Variants in MINDY2 observed in about 807,000 individuals in gnomAD.
MINDY2 encodes MINDY lysine 48 deubiquitinase 2.
Under a neutral mutation model 68.2 loss-of-function variants are expected in MINDY2, and 52 were observed. That is an observed-to-expected ratio of 0.76 (90% CI 0.61 to 0.96). The LOEUF is 0.96. Ranked by LOEUF, MINDY2 falls within the 40% of genes least tolerant of loss-of-function variation. The pLI is 0.00. For missense variants in MINDY2, 881 were observed against 773.4 expected, an observed-to-expected ratio of 1.14 and a Z score of -1.65; for synonymous variants, 372 against 303.0, an observed-to-expected ratio of 1.23 and a Z score of -2.36.
Position 58,851,782 on chromosome 15 carries a change from G to T in MINDY2, c.1554G>T (p.Met518Ile). Reference sequence around the variant, plus strand: ...ATTTAATTTATTAGGATTATCTTATGGCATTATCTCTACAACAAGAACAGC... The same window carrying T: ...ATTTAATTTATTAGGATTATCTTATTGCATTATCTCTACAACAAGAACAGC... ...QQDQIDQDYL[M>I]ALSLQQEQQS... is the part of the protein sequence containing the mutation. Residue 518 changes from methionine (M) to isoleucine (I), a missense_variant, in exon 8 of 9, where the codon ATG becomes ATT. Physicochemically the swap from Met to Ile is conservative, Grantham distance 10. Transcript: ENST00000559228. 6.3e-7 allele frequency: 1 copy of T among 1,580,830 alleles called. No homozygotes were observed. The highest frequency in any genetic ancestry group is 1.2e-5 in the South Asian group (1 of 85,318).
At position 58,771,699 on chromosome 15, in the gene MINDY2, C is replaced by CT; in HGVS notation, c.305dup (p.Arg103GlufsTer20). 6.2e-7 allele frequency: 1 copy of CT among 1,612,458 alleles called. No individual in the cohort carries two copies. The highest frequency in any genetic ancestry group is 1.1e-5 in the South Asian group (1 of 91,068). ...GAGTCCTGCTGCCGCCGAGGCGCCT[C>CT]TGAGAGGGCAGTACAAGGTGACCGC... On this transcript the variant is annotated frameshift_variant, in exon 1 of 9. Transcript: ENST00000559228. LOFTEE classifies it high-confidence loss of function.
At chr15:58,841,356 A>G (rs1352514859) in intron 6 of MINDY2, among the ~76,000 whole-genome samples, 1 of 151,232 alleles carries the variant, frequency 6.6e-6, no homozygotes, top group Non-Finnish European at 1.5e-5. Context: ...TAATCCCAAC[A>G]CTTTGGAAGG....
intron 5 of MINDY2, among the ~76,000 whole-genome samples, chr15:58,824,616 C>A (rs777750453): frequency 7.9e-5 from 12 of 151,410 alleles, no homozygotes; most frequent in Non-Finnish European, 1.8e-4. Context: ...AATAAAAGAC[C>A]GTAATAGACA....
chr15:58,809,290 G>C (rs1322273138), intron 3 of MINDY2, among the ~76,000 whole-genome samples: 1 of 151,962 alleles, frequency 6.6e-6, no homozygotes, highest in Non-Finnish European at 1.5e-5. Context: ...TGATTTTGAT[G>C]ACTCTAAATA....
chr15:58,827,848 G>C (rs1345936592), intron 5 of MINDY2, among the ~76,000 whole-genome samples: 1 of 152,146 alleles, frequency 6.6e-6, no homozygotes, highest in Non-Finnish European at 1.5e-5. Flanking sequence ...GTTGGGTCTT[G>C]TGTTCTTTTG....
chr15:58,784,840 G>A (rs1172104370), intron 1 of MINDY2, among the ~76,000 whole-genome samples: 2 of 151,644 alleles, frequency 1.3e-5, no homozygotes, highest in East Asian at 3.9e-4. Flanking sequence ...TCCCTGTATT[G>A]CTTAGGCTGG....
intron 1 of MINDY2, among the ~76,000 whole-genome samples, chr15:58,772,747 C>A (rs1470574078): frequency 1.3e-5 from 2 of 152,152 alleles, no homozygotes; most frequent in African/African-American, 4.8e-5. Flanking sequence ...AGACAAATTC[C>A]ATTTAAGGAA....
At chr15:58,847,976 T>G (rs2032620585) in intron 7 of MINDY2, among the ~76,000 whole-genome samples, 1 of 152,126 alleles carries the variant, frequency 6.6e-6, no homozygotes. Flanking sequence ...AATGGGTGGA[T>G]ATTCTAAACC....
At chr15:58,804,570 G>A (rs1453164735) in intron 3 of MINDY2, among the ~76,000 whole-genome samples, 1 of 152,186 alleles carries the variant, frequency 6.6e-6, no homozygotes, top group Non-Finnish European at 1.5e-5. Context: ...CACTTTGGGA[G>A]GCCAAAGCAG....
intron 3 of MINDY2, among the ~76,000 whole-genome samples, chr15:58,805,400 A>G (rs1902948154): frequency 6.6e-6 from 1 of 152,196 alleles, no homozygotes; most frequent in Non-Finnish European, 1.5e-5. Flanking sequence ...CTTTACCAGA[A>G]GTTGTAATGT....
chr15:58,779,757 T>A (rs952231414), intron 1 of MINDY2, among the ~76,000 whole-genome samples: 8 of 152,178 alleles, frequency 5.3e-5, no homozygotes, highest in Non-Finnish European at 1.2e-4. Flanking sequence ...AACTCTGGAT[T>A]TGTAAGATAA....
In MINDY2 at chr15:58,824,570, A is replaced by G. The variant is rs374096042; in HGVS notation, c.1225+2751A>G. On this transcript the variant is annotated intron_variant, in intron 5 of 8. Coordinates refer to ENST00000559228, the MANE Select transcript of MINDY2 (RefSeq NM_001040450.3). ...CATTTGAAATAATTACTTAACTCCA[A>G]TGGTTACTTGTATAAGACACTAAGA... Among the ~76,000 whole-genome samples the G allele has an allele frequency of 9.8e-4, 149 of 152,250 alleles. 6 individuals are homozygous for G. The South Asian group carries it at 0.029, about 30-fold the overall frequency.
At chr15:58,815,891 G>A (rs1337661776) in intron 4 of MINDY2, among the ~76,000 whole-genome samples, 2 of 151,652 alleles carry the variant, frequency 1.3e-5, no homozygotes, top group Non-Finnish European at 2.9e-5. Flanking sequence ...TGTTGGTCAG[G>A]ATGGTCTCGA....
At chr15:58,810,447 C>A in intron 4 of MINDY2, 59 bp downstream of exon 4, 1 of 1,389,984 alleles carries the variant, frequency 7.2e-7, no homozygotes, top group Non-Finnish European at 9.6e-7. Context: ...ATTAATTTGG[C>A]AAATTAATCT....
intron 2 of MINDY2, among the ~76,000 whole-genome samples, chr15:58,791,034 G>A (rs943144112): frequency 6.6e-6 from 1 of 150,894 alleles, no homozygotes; most frequent in Non-Finnish European, 1.5e-5. Context: ...CAAAAAATTA[G>A]CTGGGAGTGG....
intron 3 of MINDY2, among the ~76,000 whole-genome samples, chr15:58,807,003 A>C (rs1039607626): frequency 5.3e-5 from 8 of 152,224 alleles, no homozygotes; most frequent in African/African-American, 1.9e-4. Flanking sequence ...ATTTCTGTTT[A>C]CAGTCTGTAC....
chr15:58,777,319 A>T (rs1324783654), intron 1 of MINDY2, among the ~76,000 whole-genome samples: 2 of 152,204 alleles, frequency 1.3e-5, no homozygotes, highest in Non-Finnish European at 2.9e-5. Context: ...ATCTGAAATT[A>T]TTAGAAAATC....
chr15:58,851,790 C>G lies in MINDY2; in HGVS notation c.1562C>G (p.Ser521Cys), dbSNP rs2032825965. The G allele has an allele frequency of 2.5e-6, 4 of 1,588,710 alleles. No individual in the cohort carries two copies. Among genetic ancestry groups the G allele is most frequent in the Non-Finnish European group, 3.4e-6 (4 of 1,172,828 alleles). Reference sequence around the variant, plus strand: ...TATTAGGATTATCTTATGGCATTATCTCTACAACAAGAACAGCAGAGCCAA... The same window carrying G: ...TATTAGGATTATCTTATGGCATTATGTCTACAACAAGAACAGCAGAGCCAA... ...QIDQDYLMAL[S>C]LQQEQQSQEI... Residue 521 changes from serine (S) to cysteine (C), a missense_variant, in exon 8 of 9, where the codon TCT becomes TGT. Ser to Cys is a moderately radical substitution (Grantham distance 112, BLOSUM62 -1). Coordinates refer to ENST00000559228, the MANE Select transcript of MINDY2 (RefSeq NM_001040450.3).
At chr15:58,800,794 CA>C (rs780952893) in intron 2 of MINDY2, among the ~76,000 whole-genome samples, 4 of 146,574 alleles carry the variant, frequency 2.7e-5, no homozygotes, top group Admixed American at 1.4e-4. Flanking sequence ...GTGATCACGC[CA>C]CTGCACTCCA....
Sources: gnomAD v4.1 joint callset for allele counts (sites outside exome capture counted in the v4.1 genomes callset) on GRCh38, gnomAD v4.1.1 for gene constraint, MANE v1.5 for transcripts, NCBI Gene and HGNC (gene_info 2026-07-23, HGNC 2026-07-21) for gene names.